Variants in DUSP11 observed in about 807,000 individuals in gnomAD.
DUSP11 encodes dual specificity phosphatase 11, also known as RNA/RNP complex-1-interacting phosphatase.
DUSP11 carries 27 observed loss-of-function variants against 41.4 expected under a neutral mutation model. The ratio of observed to expected loss-of-function variants is 0.65; its 90% CI spans 0.48 to 0.90. DUSP11 has a LOEUF of 0.90. Ranked by LOEUF, DUSP11 falls within the 40% of genes least tolerant of loss-of-function variation. DUSP11 has a pLI of 0.00. For synonymous variants in DUSP11, 188 were observed against 159.3 expected, an observed-to-expected ratio of 1.18 and a Z score of -1.35; for missense variants, 465 against 461.1, an observed-to-expected ratio of 1.01 and a Z score of -0.08.
chr2:73,774,494 C>A (rs542707117), intron 3 of DUSP11, among the ~76,000 whole-genome samples: 67 of 152,320 alleles, frequency 4.4e-4, no homozygotes, highest in Admixed American at 4.1e-3. Context: ...ATACCCAAAA[C>A]TTTTTCATCA....
At chr2:73,779,732 C>G in intron 1 of DUSP11, 142 bp downstream of exon 1, 1 of 1,279,072 alleles carries the variant, frequency 7.8e-7, no homozygotes, top group Non-Finnish European at 1.1e-6. Context: ...GCGGGTGGCG[C>G]AGAGGGTCAA....
chr2:73,776,106 T>C (rs1316508119), intron 2 of DUSP11, among the ~76,000 whole-genome samples: 1 of 152,114 alleles, frequency 6.6e-6, no homozygotes, highest in South Asian at 2.1e-4. Flanking sequence ...GTGCCAGCAA[T>C]GTACTTTTTA....
chr2:73,772,681 C>A (rs1024605385), intron 4 of DUSP11, among the ~76,000 whole-genome samples: 6 of 152,188 alleles, frequency 3.9e-5, no homozygotes, highest in South Asian at 4.1e-4. Context: ...ACAGCTTATA[C>A]AAATGGGAAA....
chr2:73,773,843 G>C, exon 4 of DUSP11: 2 of 1,606,994 alleles, frequency 1.2e-6, no homozygotes, highest in Non-Finnish European at 1.7e-6. Flanking sequence ...CAGCGTGTTT[G>C]AATTTAAAAA....
exon 9 of DUSP11, chr2:73,762,255 A>G (rs1384881681): frequency 6.5e-6 from 1 of 153,098 alleles, no homozygotes; most frequent in East Asian, 1.9e-4. Flanking sequence ...GAACAGTTAT[A>G]GAAAATAAAG....
intron 8 of DUSP11, among the ~76,000 whole-genome samples, chr2:73,764,133 A>G (rs568538697): frequency 2.3e-4 from 35 of 152,342 alleles, no homozygotes; most frequent in African/African-American, 7.7e-4. Context: ...CTGTACTTTG[A>G]AGTATTTCCT....
chr2:73,765,579 T>G (rs1672445630), intron 8 of DUSP11, among the ~76,000 whole-genome samples: 1 of 152,048 alleles, frequency 6.6e-6, no homozygotes, highest in African/African-American at 2.4e-5. Flanking sequence ...CATCTATCCA[T>G]CCATCCATCC....
chr2:73,779,608 C>A (rs952286881), intron 1 of DUSP11: 56 of 547,880 alleles, frequency 1.0e-4, no homozygotes, highest in Admixed American at 5.4e-4. Context: ...CAGTAACAGT[C>A]CCACCTTAAA....
At chr2:73,776,821 AAG>A (rs1417287044) in intron 2 of DUSP11, among the ~76,000 whole-genome samples, 1 of 152,228 alleles carries the variant, frequency 6.6e-6, no homozygotes, top group African/African-American at 2.4e-5. Context: ...AGCACTCAGT[AAG>A]AGATATTAGT....
At chr2:73,767,236 T>C in intron 5 of DUSP11, 29 bp from the exon 6 acceptor site, 2 of 1,582,566 alleles carry the variant, frequency 1.3e-6, no homozygotes, top group Non-Finnish European at 1.7e-6. Flanking sequence ...TTGGGTCATT[T>C]ATATACGAAA....
intron 8 of DUSP11, among the ~76,000 whole-genome samples, chr2:73,764,775 T>G (rs546974071): frequency 6.6e-6 from 1 of 152,326 alleles, no homozygotes; most frequent in Non-Finnish European, 1.5e-5. Context: ...AAGACCAGCC[T>G]GGCCAACATG....
chr2:73,762,583 C>A, exon 9 of DUSP11: 1 of 1,145,856 alleles, frequency 8.7e-7, no homozygotes. Context: ...CCTGATTAGA[C>A]CTGAACTAAT....
chr2:73,777,132 C>T (rs1672703897), intron 2 of DUSP11, among the ~76,000 whole-genome samples: 1 of 152,094 alleles, frequency 6.6e-6, no homozygotes, highest in African/African-American at 2.4e-5. Context: ...AAGCACACGC[C>T]ACCGCGCCTG....
chr2:73,774,938 TATG>T (rs1558534873), exon 3 of DUSP11: 1 of 1,608,628 alleles, frequency 6.2e-7, no homozygotes, highest in Non-Finnish European at 8.5e-7. Flanking sequence ...GCGTTGAGTA[TATG>T]TTAAATCAAT....
intron 1 of DUSP11, 35 bp from the exon 2 acceptor site, chr2:73,778,411 GT>G: frequency 1.5e-6 from 2 of 1,349,556 alleles, no homozygotes; most frequent in Non-Finnish European, 2.0e-6. Flanking sequence ...CAAATTGTAT[GT>G]TAGCCTTGTT....
Position 73,771,500 on chromosome 2 carries a change from C to CT in DUSP11, c.575-2176dup, listed in dbSNP as rs1345290959. Among the ~76,000 whole-genome samples the CT allele has an allele frequency of 9.1e-3, 1,333 of 146,400 alleles. 26 individuals carry two copies. The highest frequency in any genetic ancestry group is 0.03 in the African/African-American group (1,227 of 40,274). On this transcript the variant is annotated intron_variant, in intron 4 of 8. Coordinates refer to ENST00000272444, the Ensembl canonical transcript of DUSP11. ...ATTATGATGAACTGTCTTTTTTGTT[C>CT]TTTTTTTTTTTGAGATGGAGTCTCG...
At position 73,779,906 on chromosome 2, in the gene DUSP11, G is replaced by C. The variant is rs557131379; in HGVS notation, c.210C>G (p.Ala70=). The change falls in exon 1 of 9, where the codon GCC becomes GCG. Residue 70 remains alanine (A), a synonymous_variant. Transcript: ENST00000272444. Reference sequence around the variant, plus strand: ...GGATGTGGTTTCCGCCCTTCTTCTTGGCTGAGGAGCGTCCTGAAAAGTCGC... The same window carrying C: ...GGATGTGGTTTCCGCCCTTCTTCTTCGCTGAGGAGCGTCCTGAAAAGTCGC... 23 of 1,614,192 alleles carry C rather than the reference G, an allele frequency of 1.4e-5. 1 individual carries two copies. The African/African-American group carries it at 2.8e-4, about 20-fold the overall frequency.
intron 2 of DUSP11, 69 bp downstream of exon 2, chr2:73,778,232 G>C (rs1672720886): frequency 3.0e-6 from 3 of 993,172 alleles, no homozygotes; most frequent in Admixed American, 5.2e-5. Flanking sequence ...GAATGTGATA[G>C]AGTGGAGAGC....
chr2:73,776,646 G>A lies in DUSP11; in HGVS notation c.319-1602C>T, dbSNP rs80212795. ...GTTAGGTATGCGTGATTCATTCTAT[G>A]TTATGCATTGTATGTACATATTATG... On this transcript the variant is annotated intron_variant, in intron 2 of 8. Transcript: ENST00000272444. Among the ~76,000 whole-genome samples the A allele has an allele frequency of 1.3e-3, 194 of 152,158 alleles. 6 individuals carry two copies. The East Asian group carries it at 0.033, about 26-fold the overall frequency.
Sources: allele counts gnomAD v4.1 joint callset (sites outside exome capture counted in the v4.1 genomes callset), GRCh38; gene constraint gnomAD v4.1.1; transcripts MANE v1.5; gene names NCBI Gene and HGNC (gene_info 2026-07-23, HGNC 2026-07-21).